WAC: variants seen among roughly 807,000 people sequenced by gnomAD.
WAC encodes WW domain containing adaptor with coiled-coil, also known as WW domain-containing adapter protein with coiled-coil.
In WAC, 11 loss-of-function variants were observed where a neutral mutation model predicts 79.6. That is an observed-to-expected ratio of 0.14 (90% CI 0.09 to 0.23). The LOEUF (loss-of-function observed/expected upper bound fraction) is 0.23. Among genes scored for constraint, WAC ranks in the 10% least tolerant of loss-of-function variants. WAC has a pLI of 1.00. For missense variants in WAC, 728 were observed against 773.5 expected, an observed-to-expected ratio of 0.94 and a Z score of 0.70; for synonymous variants, 304 against 276.9, an observed-to-expected ratio of 1.10 and a Z score of -0.97.
Position 28,595,769 on chromosome 10 carries a change from T to C in WAC, c.647T>C (p.Leu216Pro), listed in dbSNP as rs746159767. 6.2e-7 allele frequency: 1 copy of C among 1,613,888 alleles called. No individual in the cohort carries two copies. The highest frequency in any genetic ancestry group is 1.3e-5 in the African/African-American group (1 of 74,886). The change falls in exon 7 of 14, where the codon CTC becomes CCC. Residue 216 changes from leucine to proline, a missense_variant. By Grantham distance (98) the Leu-to-Pro change is moderately conservative. Around this residue, in one of 3 missense-constraint regions of WAC, gnomAD observed 648 missense variants for 661.5 expected, o/e 0.98. Transcript: ENST00000354911. ...CATTCCAGTGATGCCAGTAGTTTGC[T>C]CCCACAGAATATTTTGTCTCAAACA... ...DKHSSDASSL[L>P]PQNILSQTSR... is the part of the protein sequence containing the mutation.
intron 4 of WAC, among the ~76,000 whole-genome samples, chr10:28,586,849 A>C (rs1174320572): frequency 6.6e-6 from 1 of 152,210 alleles, no homozygotes; most frequent in African/African-American, 2.4e-5. Context: ...TTTCCCTTCT[A>C]AATATTCTAT....
intron 3 of WAC, among the ~76,000 whole-genome samples, chr10:28,562,068 C>G (rs999466468): frequency 3.3e-5 from 5 of 152,020 alleles, no homozygotes; most frequent in Non-Finnish European, 5.9e-5. Context: ...AATAGATTTT[C>G]TTTTTGAGAT....
At chr10:28,614,448 G>C (rs1281433436) in intron 10 of WAC, 119 bp from the exon 11 acceptor site, 3 of 511,654 alleles carry the variant, frequency 5.9e-6, no homozygotes, top group Non-Finnish European at 9.8e-6. Flanking sequence ...AAAGAAATGA[G>C]ATCTAAGTTT....
intron 5 of WAC, 43 bp from the exon 6 acceptor site, chr10:28,590,677 C>A: frequency 2.7e-6 from 4 of 1,502,034 alleles, no homozygotes; most frequent in Non-Finnish European, 3.6e-6. Flanking sequence ...AACTCATGCC[C>A]TTAATGTAAT....
intron 3 of WAC, among the ~76,000 whole-genome samples, chr10:28,557,482 A>G (rs1838058769): frequency 6.6e-6 from 1 of 152,004 alleles, no homozygotes. Context: ...GATCACCTGA[A>G]GTCAGGTGTT....
At chr10:28,595,039 TG>T (rs1840282943) in intron 6 of WAC, among the ~76,000 whole-genome samples, 1 of 152,224 alleles carries the variant, frequency 6.6e-6, no homozygotes, top group African/African-American at 2.4e-5. Flanking sequence ...ATAAGTAGAT[TG>T]TTCTGACTAT....
chr10:28,543,529 C>T (rs1034347821), intron 3 of WAC, among the ~76,000 whole-genome samples: 1 of 152,160 alleles, frequency 6.6e-6, no homozygotes, highest in African/African-American at 2.4e-5. Context: ...TTGGACAATG[C>T]GGTTCTGAGG....
intron 3 of WAC, among the ~76,000 whole-genome samples, chr10:28,577,423 T>A (rs1358371539): frequency 2.0e-5 from 3 of 152,208 alleles, no homozygotes; most frequent in Admixed American, 6.5e-5. Context: ...ATAATAAAGT[T>A]GCATAATTTT....
At chr10:28,559,537 A>C (rs1387070790) in intron 3 of WAC, among the ~76,000 whole-genome samples, 1 of 152,184 alleles carries the variant, frequency 6.6e-6, no homozygotes. Flanking sequence ...CTGCAGCCCC[A>C]AAAACACTGG....
chr10:28,585,693 A>G (rs545424474), intron 4 of WAC, among the ~76,000 whole-genome samples: 1 of 152,184 alleles, frequency 6.6e-6, no homozygotes, highest in African/African-American at 2.4e-5. Context: ...ACAAAGTAAC[A>G]CTAACCTAAA....
At chr10:28,592,043 A>C (rs1053679436) in intron 6 of WAC, among the ~76,000 whole-genome samples, 1 of 152,160 alleles carries the variant, frequency 6.6e-6, no homozygotes, top group African/African-American at 2.4e-5. Flanking sequence ...AAAATATTTA[A>C]GATGAAACAG....
chr10:28,603,729 C>A (rs922116876), intron 7 of WAC, among the ~76,000 whole-genome samples: 1 of 151,212 alleles, frequency 6.6e-6, no homozygotes, highest in African/African-American at 2.4e-5. Flanking sequence ...GTCAGGAGAT[C>A]GAGACCATCC....
chr10:28,559,832 T>A (rs1173419297), intron 3 of WAC, among the ~76,000 whole-genome samples: 1 of 152,194 alleles, frequency 6.6e-6, no homozygotes, highest in Admixed American at 6.5e-5. Flanking sequence ...CACATTTCAT[T>A]GCCTCTCTGG....
chr10:28,548,227 A>G (rs1260245549), intron 3 of WAC, among the ~76,000 whole-genome samples: 1 of 152,022 alleles, frequency 6.6e-6, no homozygotes. Flanking sequence ...CCCGGCCAAC[A>G]TTTTAATTTT....
intron 4 of WAC, among the ~76,000 whole-genome samples, chr10:28,587,192 C>T (rs1383000111): frequency 1.3e-5 from 2 of 152,132 alleles, no homozygotes; most frequent in Non-Finnish European, 2.9e-5. Context: ...TTTAAAATAT[C>T]AATTGTAAAC....
intron 3 of WAC, among the ~76,000 whole-genome samples, chr10:28,545,619 A>C (rs1237022742): frequency 6.6e-6 from 1 of 152,232 alleles, no homozygotes; most frequent in African/African-American, 2.4e-5. Flanking sequence ...TTTATCATTA[A>C]CAGTCTGATT....
At chr10:28,611,330 G>A (rs1344564826) in intron 9 of WAC, 1 of 1,293,780 alleles carries the variant, frequency 7.7e-7, no homozygotes, top group African/African-American at 1.5e-5. Flanking sequence ...GGGTCACTTT[G>A]TCAGAAAGCT....
chr10:28,567,211 G>A (rs961714984), intron 3 of WAC, among the ~76,000 whole-genome samples: 4 of 149,858 alleles, frequency 2.7e-5, no homozygotes, highest in Non-Finnish European at 5.9e-5. Flanking sequence ...TTTGTTGGGG[G>A]GACTTTATCT....
chr10:28,561,007 G>C lies in WAC; in HGVS notation c.275-22392G>C, dbSNP rs531804475. Among the ~76,000 whole-genome samples, 9 of 152,244 alleles carry C rather than the reference G, an allele frequency of 5.9e-5. 1 individual carries two copies. In the South Asian group the frequency reaches 1.9e-3, roughly 32 times the overall value. On this transcript the variant is annotated intron_variant, in intron 3 of 13. Coordinates refer to ENST00000354911, the MANE Select transcript of WAC (RefSeq NM_016628.5). ...CCTAGAGAATGTCTACTGAATGCCA[G>C]ATGAAGAGAATGTCTACTGAATGCC...
Sources: allele counts gnomAD v4.1 joint callset (sites outside exome capture counted in the v4.1 genomes callset), GRCh38; gene constraint gnomAD v4.1.1; regional missense constraint gnomAD v4.1.1; transcripts MANE v1.5; gene names NCBI Gene and HGNC (gene_info 2026-07-23, HGNC 2026-07-21).